Variants in DOCK11 observed in about 807,000 individuals in gnomAD.
The protein encoded by DOCK11 is dedicator of cytokinesis protein 11.
In DOCK11, 70 loss-of-function variants were observed where a neutral mutation model predicts 169.1. That is an observed-to-expected ratio of 0.41 (90% CI 0.34 to 0.51). DOCK11 has a LOEUF of 0.51. Among genes scored for constraint, DOCK11 ranks in the 20% least tolerant of loss-of-function variants. The pLI, the probability that DOCK11 is intolerant of heterozygous loss-of-function variation, is 0.10. For missense variants in DOCK11, 1,166 were observed against 1,538.8 expected (o/e 0.76, Z 4.05); for synonymous variants, 529 against 541.3 (o/e 0.98, Z 0.32).
rs1320012798 is a variant in DOCK11, at chrX:118,550,802, A to T, written c.558+4686A>T. On this transcript the variant is annotated intron_variant, in intron 6 of 52. Coordinates refer to ENST00000276202, the MANE Select transcript of DOCK11 (RefSeq NM_144658.4). ...GGTGAGCAGCTGACCCAGCTCTTGGATAATTGGAAAAGGCAGAGGCAGAAG... is the reference window on the plus strand; with the variant it reads ...GGTGAGCAGCTGACCCAGCTCTTGGTTAATTGGAAAAGGCAGAGGCAGAAG... Among the ~76,000 whole-genome samples, 4 of 112,305 alleles carry T rather than the reference A, an allele frequency of 3.6e-5. No homozygotes were observed. The East Asian group carries it at 1.1e-3, about 31-fold the overall frequency.
rs79306281 is a variant in DOCK11 at position 118,587,346 on chromosome X, C to T, written c.1796-791C>T. ...CTCAACAGTAGTTATCTCTGGGTGGCGGAATGAGCAACTGTCCTTGTCTAC... is the reference window on the plus strand; with the variant it reads ...CTCAACAGTAGTTATCTCTGGGTGGTGGAATGAGCAACTGTCCTTGTCTAC... On this transcript the variant is annotated intron_variant, in intron 16 of 52. Transcript: ENST00000276202. Among the ~76,000 whole-genome samples the T allele has an allele frequency of 7.7e-3, 859 of 111,630 alleles. 22 individuals are homozygous for T. In the East Asian group the frequency reaches 0.1, roughly 13 times the overall value.
chrX:118,541,037 C>T (rs2011975348), intron 1 of DOCK11, among the ~76,000 whole-genome samples: 1 of 111,061 alleles, frequency 9.0e-6, no homozygotes, highest in Non-Finnish European at 1.9e-5. Flanking sequence ...TGGATGTCTA[C>T]CGTGTGCCAG....
At chrX:118,553,010 C>T (rs1603056374) in intron 6 of DOCK11, among the ~76,000 whole-genome samples, 1 of 112,021 alleles carries the variant, frequency 8.9e-6, no homozygotes, top group Non-Finnish European at 1.9e-5. Context: ...CAAGCCTTAT[C>T]ATAGTGATTA....
At chrX:118,606,438 A>G (rs1168378275) in intron 24 of DOCK11, among the ~76,000 whole-genome samples, 1 of 112,825 alleles carries the variant, frequency 8.9e-6, no homozygotes, top group Non-Finnish European at 1.9e-5. Flanking sequence ...CTAGGGATGC[A>G]TATTTAACAG....
At chrX:118,555,965 C>T (rs2012673247) in intron 6 of DOCK11, among the ~76,000 whole-genome samples, 1 of 111,279 alleles carries the variant, frequency 9.0e-6, no homozygotes, top group African/African-American at 3.3e-5. Flanking sequence ...AAATAATTAC[C>T]CCTCTAGGTA....
At chrX:118,529,262 G>T (rs1024305738) in intron 1 of DOCK11, among the ~76,000 whole-genome samples, 10 of 112,008 alleles carry the variant, frequency 8.9e-5, no homozygotes, top group African/African-American at 3.2e-4. Flanking sequence ...GATTACAGGC[G>T]TGAGCCACCA....
chrX:118,533,360 A>T (rs1157151874), intron 1 of DOCK11, among the ~76,000 whole-genome samples: 1 of 112,282 alleles, frequency 8.9e-6, no homozygotes, highest in African/African-American at 3.2e-5. Context: ...GGCCCAAAAA[A>T]GGTAGAGATA....
intron 44 of DOCK11, among the ~76,000 whole-genome samples, chrX:118,655,272 G>GCC (rs2016039067): frequency 9.0e-6 from 1 of 110,687 alleles, no homozygotes; most frequent in African/African-American, 3.3e-5. Context: ...TTTGAGACCA[G>GCC]CCTGGGCAAC....
chrX:118,565,952 A>T (rs2013065214), intron 7 of DOCK11, 53 bp from the exon 8 acceptor site: 2 of 1,093,550 alleles, frequency 1.8e-6, no homozygotes, highest in African/African-American at 3.7e-5. Context: ...AATGAAATCT[A>T]ATAGTAAAAG....
intron 28 of DOCK11, among the ~76,000 whole-genome samples, chrX:118,614,231 A>G (rs1389628332): frequency 9.0e-6 from 1 of 111,510 alleles, no homozygotes; most frequent in Non-Finnish European, 1.9e-5. Flanking sequence ...TTTGGTCTGA[A>G]TTATTAATAT....
At chrX:118,653,709 C>T (rs1341949431) in intron 42 of DOCK11, among the ~76,000 whole-genome samples, 2 of 111,975 alleles carry the variant, frequency 1.8e-5, no homozygotes, top group African/African-American at 6.5e-5. Context: ...CCACTGCTCC[C>T]GGCCAAGAAG....
intron 24 of DOCK11, among the ~76,000 whole-genome samples, chrX:118,606,699 G>T (rs1195871683): frequency 8.9e-6 from 1 of 111,981 alleles, no homozygotes; most frequent in African/African-American, 3.2e-5. Context: ...CATCGCTGCT[G>T]TTGGGGATAG....
At chrX:118,588,623 C>T (rs1189904226) in intron 18 of DOCK11, 145 bp downstream of exon 18, 2 of 422,277 alleles carry the variant, frequency 4.7e-6, no homozygotes, top group Admixed American at 4.7e-5. Flanking sequence ...CTTTTCTACT[C>T]TTACATATTA....
In DOCK11 at chrX:118,559,612, CAAA is replaced by C. The variant is rs2012836089; in HGVS notation, c.559-1770_559-1768del. On this transcript the variant is annotated intron_variant, in intron 6 of 52. Coordinates refer to ENST00000276202, the MANE Select transcript of DOCK11 (RefSeq NM_144658.4). ...TGTGAACCATTGTCATGAAAATAAG[CAAA>C]TAGGCCAGGCAGGGTGGCTCACTTT... Among the ~76,000 whole-genome samples, 4 of 110,448 alleles carry C rather than the reference CAAA, an allele frequency of 3.6e-5. No homozygotes were observed. The South Asian group carries it at 1.5e-3, about 43-fold the overall frequency.
chrX:118,570,098 G>T (rs1186225848), intron 10 of DOCK11, among the ~76,000 whole-genome samples: 1 of 112,108 alleles, frequency 8.9e-6, no homozygotes, highest in African/African-American at 3.2e-5. Context: ...AGGCAGTGTC[G>T]CCTCGGAGAA....
chrX:118,683,278 G>A (rs2016785184), intron 52 of DOCK11, 61 bp downstream of exon 52: 1 of 1,130,328 alleles, frequency 8.8e-7, no homozygotes, highest in Non-Finnish European at 1.2e-6. Context: ...TTGTTGCTTA[G>A]CAAAATATAA....
intron 23 of DOCK11, 140 bp downstream of exon 23, chrX:118,599,368 T>C: frequency 2.1e-6 from 1 of 465,530 alleles, no homozygotes. Flanking sequence ...TTCTATGATG[T>C]ATTTTTCCAT....
At chrX:118,615,321 G>C (rs995373820) in intron 29 of DOCK11, among the ~76,000 whole-genome samples, 1 of 112,084 alleles carries the variant, frequency 8.9e-6, no homozygotes, top group African/African-American at 3.2e-5. Context: ...AAATCACAAT[G>C]TTTGTACAAA....
intron 27 of DOCK11, among the ~76,000 whole-genome samples, chrX:118,609,632 G>A (rs775265916): frequency 8.0e-4 from 90 of 111,940 alleles, no homozygotes; most frequent in African/African-American, 2.6e-3. Flanking sequence ...CATTTGCCAT[G>A]TACATCTCAT....
Sources: gnomAD v4.1 joint callset for allele counts (sites outside exome capture counted in the v4.1 genomes callset) on GRCh38, gnomAD v4.1.1 for gene constraint, MANE v1.5 for transcripts, NCBI Gene and HGNC (gene_info 2026-07-23, HGNC 2026-07-21) for gene names.